Variants in AMBRA1 observed in about 807,000 individuals in gnomAD.
AMBRA1 encodes activating molecule in BECN1-regulated autophagy protein 1.
In AMBRA1, 47 loss-of-function variants were observed where a neutral mutation model predicts 125.4. The ratio of observed to expected loss-of-function variants is 0.37; its 90% CI spans 0.30 to 0.48. AMBRA1 has a LOEUF of 0.48. Ranked by LOEUF, AMBRA1 falls within the 20% of genes least tolerant of loss-of-function variation. The pLI is 0.99. For missense variants in AMBRA1, 1,331 were observed against 1,693.4 expected, an observed-to-expected ratio of 0.79 and a Z score of 3.76; for synonymous variants, 626 against 655.5, an observed-to-expected ratio of 0.95 and a Z score of 0.69.
At chr11:46,426,063 C>G (rs955593731) in intron 14 of AMBRA1, among the ~76,000 whole-genome samples, 4 of 147,354 alleles carry the variant, frequency 2.7e-5, no homozygotes, top group African/African-American at 1.0e-4. Context: ...GAGACTCCAT[C>G]TCAAAATAAA....
chr11:46,549,960 A>G (rs1048575120), intron 1 of AMBRA1, among the ~76,000 whole-genome samples: 9 of 152,114 alleles, frequency 5.9e-5, no homozygotes, highest in Non-Finnish European at 1.2e-4. Flanking sequence ...CTGGGATTAC[A>G]GGCACCTGCC....
In AMBRA1 at chr11:46,542,468, C is replaced by T; in HGVS notation, c.1549G>A (p.Asp517Asn). 6.2e-7 allele frequency: 1 copy of T among 1,613,964 alleles called. No individual in the cohort carries two copies. The highest frequency in any genetic ancestry group is 8.5e-7 in the Non-Finnish European group (1 of 1,180,034). ...FLEYDRLQEL[D>N]QSLSGEAPQT... ...GGAGCTTCCCCACTCAGGCTCTGATCCAGCTCCTGAAGCCGGTCATACTCC... is the reference window on the plus strand; with the variant it reads ...GGAGCTTCCCCACTCAGGCTCTGATTCAGCTCCTGAAGCCGGTCATACTCC... Residue 517 changes from aspartate (D) to asparagine (N), a missense_variant, in exon 7 of 18, where the codon GAT becomes AAT. Transcript: ENST00000683756. This position sits in a 1 kb window ranked among gnomAD's most constrained non-coding sequence, Gnocchi z 5.9.
chr11:46,442,571 G>A (rs886113954), intron 12 of AMBRA1, among the ~76,000 whole-genome samples: 9 of 152,282 alleles, frequency 5.9e-5, no homozygotes, highest in East Asian at 1.9e-4. Context: ...AGCCCTTCAC[G>A]AGGTAGAAAG....
intron 7 of AMBRA1, among the ~76,000 whole-genome samples, chr11:46,516,057 T>C (rs1263870931): frequency 6.6e-6 from 1 of 152,236 alleles, no homozygotes; most frequent in East Asian, 1.9e-4. Context: ...TAAGTTGGAA[T>C]AGACCCAAAA....
chr11:46,474,015 G>A (rs951666118), intron 11 of AMBRA1, among the ~76,000 whole-genome samples: 1 of 152,160 alleles, frequency 6.6e-6, no homozygotes, highest in African/African-American at 2.4e-5. Context: ...CCAACACTTA[G>A]TGTAGGACCT....
chr11:46,432,951 C>T (rs1380383473), intron 14 of AMBRA1, among the ~76,000 whole-genome samples: 21 of 152,184 alleles, frequency 1.4e-4, no homozygotes, highest in Admixed American at 1.2e-3. Context: ...ATAAGAGAGA[C>T]GTGCCTTAGA....
At chr11:46,444,978 AATG>A (rs1378872184) in intron 11 of AMBRA1, among the ~76,000 whole-genome samples, 6 of 152,136 alleles carry the variant, frequency 3.9e-5, no homozygotes, top group Non-Finnish European at 7.4e-5. Flanking sequence ...TCATTTCCAA[AATG>A]ATGATACTTC....
intron 11 of AMBRA1, among the ~76,000 whole-genome samples, chr11:46,461,542 G>GGA (rs1949088480): frequency 6.6e-6 from 1 of 152,204 alleles, no homozygotes; most frequent in Admixed American, 6.5e-5. Flanking sequence ...ATAGTATGGG[G>GGA]GAGGTCATAA....
chr11:46,402,372 A>AT (rs1439574413), intron 17 of AMBRA1, among the ~76,000 whole-genome samples: 4 of 151,892 alleles, frequency 2.6e-5, no homozygotes, highest in African/African-American at 9.7e-5. Context: ...ATTTTATTTT[A>AT]TTTTTTTGAG....
chr11:46,485,629 G>C (rs1362333445), intron 11 of AMBRA1, among the ~76,000 whole-genome samples: 1 of 152,216 alleles, frequency 6.6e-6, no homozygotes, highest in African/African-American at 2.4e-5. Context: ...AAAATACTAA[G>C]CATTTAGAAA....
chr11:46,505,759 G>A (rs1360196812), intron 9 of AMBRA1, among the ~76,000 whole-genome samples: 1 of 151,862 alleles, frequency 6.6e-6, no homozygotes, highest in African/African-American at 2.4e-5. Context: ...GGAAGGAAGG[G>A]GAGAGAGAGA....
chr11:46,545,260 G>T (rs1952961614), intron 5 of AMBRA1, among the ~76,000 whole-genome samples: 1 of 147,116 alleles, frequency 6.8e-6, no homozygotes, highest in African/African-American at 2.5e-5. Context: ...AGGAGTTCAA[G>T]ACCATCCTGG....
chr11:46,446,406 G>C (rs939415100), intron 11 of AMBRA1, among the ~76,000 whole-genome samples: 1 of 152,180 alleles, frequency 6.6e-6, no homozygotes, highest in South Asian at 2.1e-4. Context: ...TGCCAGAGGG[G>C]GTTAATGGAC....
At chr11:46,589,972 A>G (rs1207959606) in intron 1 of AMBRA1, among the ~76,000 whole-genome samples, 1 of 152,138 alleles carries the variant, frequency 6.6e-6, no homozygotes, top group African/African-American at 2.4e-5. Flanking sequence ...CTTGAGGACC[A>G]AAATGTTTGG....
intron 12 of AMBRA1, among the ~76,000 whole-genome samples, chr11:46,442,732 A>G (rs555101982): frequency 6.6e-6 from 1 of 152,368 alleles, no homozygotes; most frequent in South Asian, 2.1e-4. Context: ...GAAAACTGGC[A>G]TATCAGGAAA....
chr11:46,575,398 G>A (rs1246935662), intron 1 of AMBRA1, among the ~76,000 whole-genome samples: 1 of 151,294 alleles, frequency 6.6e-6, no homozygotes, highest in Non-Finnish European at 1.5e-5. Context: ...TGGAGGTTGT[G>A]GTGAGCTGAG....
chr11:46,593,912 A>G lies in AMBRA1; in HGVS notation c.-205T>C. ...AAGAAAGAGGAGACAGGAATAAAGG[A>G]AGGGGTCCGTTCTACCGACCGGCAG... On this transcript the variant is annotated 5_prime_UTR_variant, in exon 1 of 18. Transcript: ENST00000683756. The G allele has an allele frequency of 2.5e-6, 1 of 398,588 alleles. No homozygotes were observed. Among genetic ancestry groups the G allele is most frequent in the East Asian group, 3.6e-5 (1 of 28,062 alleles). The allele number at this position is 398,588 out of a possible 1,614,324, so 24.7% of individuals were successfully genotyped here.
chr11:46,525,110 G>A (rs570181559), intron 7 of AMBRA1, among the ~76,000 whole-genome samples: 5 of 151,520 alleles, frequency 3.3e-5, no homozygotes, highest in African/African-American at 1.2e-4. Context: ...GACCAGCTCG[G>A]GCAACCATAG....
intron 11 of AMBRA1, among the ~76,000 whole-genome samples, chr11:46,483,733 C>T (rs183257760): frequency 7.6e-4 from 116 of 152,226 alleles, no homozygotes; most frequent in African/African-American, 2.7e-3. Flanking sequence ...AACCCCATCT[C>T]TACTACAAAT....
Sources: gnomAD v4.1 joint callset for allele counts (sites outside exome capture counted in the v4.1 genomes callset) on GRCh38, gnomAD v4.1.1 for gene constraint, Gnocchi (gnomAD v3.1) non-coding constraint, MANE v1.5 for transcripts, NCBI Gene and HGNC (gene_info 2026-07-23, HGNC 2026-07-21) for gene names.